Variants in EBF4 observed in about 807,000 individuals in gnomAD.
EBF4 encodes the protein EBF transcription factor 4.
A neutral mutation model predicts 67.1 loss-of-function variants in EBF4; 34 were observed. The observed-to-expected ratio is 0.51, with a 90% CI of 0.39 to 0.67. The LOEUF is 0.67. EBF4 is among the 30% of genes least tolerant of loss of function. The pLI is 0.00. For synonymous variants in EBF4, 387 were observed against 377.7 expected (o/e 1.02, Z -0.29); for missense variants, 837 against 873.3 (o/e 0.96, Z 0.52).
chr20:2,741,849 T>C (rs996753198), intron 6 of EBF4, among the ~76,000 whole-genome samples: 2 of 152,224 alleles, frequency 1.3e-5, no homozygotes, highest in Non-Finnish European at 2.9e-5. Flanking sequence ...ATGAAGCCCA[T>C]ATAGCCCCAA....
At chr20:2,701,008 G>A (rs2087366963) in intron 1 of EBF4, among the ~76,000 whole-genome samples, 1 of 152,362 alleles carries the variant, frequency 6.6e-6, no homozygotes, top group Non-Finnish European at 1.5e-5. Context: ...CAGGCAAGGG[G>A]CAGCCCCATG....
intron 1 of EBF4, among the ~76,000 whole-genome samples, chr20:2,699,542 C>G (rs1215483190): frequency 3.9e-5 from 6 of 152,214 alleles, no homozygotes. Context: ...AAATGTCCCA[C>G]TGCCTCAGGA....
intron 6 of EBF4, among the ~76,000 whole-genome samples, chr20:2,718,947 T>C (rs1466217530): frequency 6.6e-6 from 1 of 152,208 alleles, no homozygotes; most frequent in African/African-American, 2.4e-5. Flanking sequence ...TTTCGGAGCA[T>C]ACCCAAAATT....
At chr20:2,705,998 A>G (rs1297304837) in exon 3 of EBF4, 1 of 1,551,504 alleles carries the variant, frequency 6.4e-7, no homozygotes, top group Non-Finnish European at 8.7e-7. Flanking sequence ...AAAGACTAAC[A>G]ATGGGATCCA....
intron 6 of EBF4, among the ~76,000 whole-genome samples, chr20:2,712,477 G>C (rs1318755963): frequency 1.3e-5 from 2 of 152,182 alleles, no homozygotes; most frequent in African/African-American, 4.8e-5. Flanking sequence ...GGAGTTTCCT[G>C]AGAAGGGTGT....
intron 6 of EBF4, among the ~76,000 whole-genome samples, chr20:2,725,812 T>C (rs1339357644): frequency 6.6e-6 from 1 of 152,256 alleles, no homozygotes. Context: ...GTGTTTATAT[T>C]GGCATTTGCC....
chr20:2,726,320 G>A (rs1332768108), intron 6 of EBF4, among the ~76,000 whole-genome samples: 1 of 152,202 alleles, frequency 6.6e-6, no homozygotes, highest in Non-Finnish European at 1.5e-5. Flanking sequence ...GAGGTGAGGT[G>A]TAGTACCAGC....
intron 2 of EBF4, 27 bp downstream of exon 2, chr20:2,705,760 A>C: frequency 6.7e-7 from 1 of 1,487,380 alleles, no homozygotes; most frequent in Middle Eastern, 1.8e-4. Context: ...CTTGGCTGGG[A>C]CTGGCCCCGG....
Position 2,755,533 on chromosome 20 carries a change from G to T in EBF4, c.1541-94G>T, listed in dbSNP as rs2088227923. ...TACCTGTGTCAGCAGCCCATGTGGGGCCCCAGCCAAGCTGCTCACTCTGGT... is the reference window on the plus strand; with the variant it reads ...TACCTGTGTCAGCAGCCCATGTGGGTCCCCAGCCAAGCTGCTCACTCTGGT... On this transcript the variant is annotated intron_variant, in intron 14 of 16. Coordinates refer to ENST00000609451, the Ensembl canonical transcript of EBF4. The surrounding 1 kb of genome is among the most constrained non-coding windows in gnomAD (Gnocchi z 4.7). The T allele has an allele frequency of 1.4e-6, 1 of 696,654 alleles. No homozygotes were observed. Among genetic ancestry groups the T allele is most frequent in the South Asian group, 1.7e-5 (1 of 58,924 alleles). 43.2% of individuals were successfully genotyped at this position (696,654 alleles called of 1,614,324 possible).
chr20:2,733,426 T>C (rs985842621), intron 6 of EBF4, among the ~76,000 whole-genome samples: 13 of 152,208 alleles, frequency 8.5e-5, no homozygotes, highest in African/African-American at 2.9e-4. Context: ...TTTACTGAGC[T>C]TCTTAAGATG....
intron 1 of EBF4, among the ~76,000 whole-genome samples, chr20:2,698,496 T>C (rs550758443): frequency 6.6e-6 from 1 of 152,192 alleles, no homozygotes; most frequent in African/African-American, 2.4e-5. Flanking sequence ...AGCTTGATCA[T>C]CATCAGCAGT....
At chr20:2,744,443 A>T (rs979654897) in intron 6 of EBF4, among the ~76,000 whole-genome samples, 2 of 149,708 alleles carry the variant, frequency 1.3e-5, no homozygotes, top group Non-Finnish European at 3.0e-5. Context: ...AGCAAGCCAC[A>T]TATGTATGTA....
intron 6 of EBF4, among the ~76,000 whole-genome samples, chr20:2,733,223 A>G (rs115333523): frequency 0.013 from 2,007 of 152,332 alleles, 47 homozygotes; most frequent in African/African-American, 0.045. Flanking sequence ...ACAATATATC[A>G]TCTCACTGCC....
chr20:2,739,561 G>A lies in EBF4; in HGVS notation c.558-8988G>A, dbSNP rs2087939265. Reference sequence around the variant, plus strand: ...CCTTAAGATTTTATACAATGCCGCAGTGCCTAACACATAGAAGGTATTTAA... The same window carrying A: ...CCTTAAGATTTTATACAATGCCGCAATGCCTAACACATAGAAGGTATTTAA... On this transcript the variant is annotated intron_variant, in intron 6 of 16. Coordinates refer to ENST00000609451, the Ensembl canonical transcript of EBF4. This position sits in a 1 kb window ranked among gnomAD's most constrained non-coding sequence, Gnocchi z 4.5. Among the ~76,000 whole-genome samples the A allele has an allele frequency of 6.6e-6, 1 of 152,142 alleles. No homozygotes were observed. The highest frequency in any genetic ancestry group is 2.1e-4 in the South Asian group (1 of 4,822).
At chr20:2,737,255 A>AC (rs2087901006) in intron 6 of EBF4, among the ~76,000 whole-genome samples, 1 of 147,620 alleles carries the variant, frequency 6.8e-6, no homozygotes, top group Admixed American at 6.7e-5. Context: ...CGTCTCAAAA[A>AC]AAAAAAAAAA....
intron 6 of EBF4, among the ~76,000 whole-genome samples, chr20:2,731,462 A>G (rs2087812460): frequency 6.6e-6 from 1 of 152,188 alleles, no homozygotes; most frequent in Non-Finnish European, 1.5e-5. Context: ...TTACTTATAA[A>G]GACATAACCT....
At position 2,696,569 on chromosome 20, in the gene EBF4, A is replaced by C. The variant is rs1287758116; in HGVS notation, c.137+2787A>C. ...TGGATATCTCCAACATTCAAGGCCT[A>C]TCATGGTCTGACTCCAGCCTTCCTC... On this transcript the variant is annotated intron_variant, in intron 1 of 16. Transcript: ENST00000609451. The surrounding 1 kb of genome is among the most constrained non-coding windows in gnomAD (Gnocchi z 4.7). Among the ~76,000 whole-genome samples the C allele has an allele frequency of 1.3e-5, 2 of 152,208 alleles. No individual in the cohort carries two copies. Among genetic ancestry groups the C allele is most frequent in the African/African-American group, 4.8e-5 (2 of 41,446 alleles).
chr20:2,743,481 G>C (rs754214064), intron 6 of EBF4, among the ~76,000 whole-genome samples: 1 of 152,212 alleles, frequency 6.6e-6, no homozygotes, highest in Non-Finnish European at 1.5e-5. Flanking sequence ...CATACAAATT[G>C]CTACTGAGCA....
rs532917030 is a variant in EBF4 at position 2,739,229 on chromosome 20, G to A, written c.558-9320G>A. Among the ~76,000 whole-genome samples, 16 of 152,172 alleles carry A rather than the reference G, an allele frequency of 1.1e-4. No homozygotes were observed. In the East Asian group the frequency reaches 1.2e-3, roughly 11 times the overall value. ...CCATCACCCAGAGGATCCAAGTCCC[G>A]CATGATTTGGTCCCAACCCCAGGCC... On this transcript the variant is annotated intron_variant, in intron 6 of 16. Transcript: ENST00000609451. The surrounding 1 kb of genome is among the most constrained non-coding windows in gnomAD (Gnocchi z 4.5).
Sources: allele counts gnomAD v4.1 joint callset (sites outside exome capture counted in the v4.1 genomes callset), GRCh38; gene constraint gnomAD v4.1.1; non-coding constraint Gnocchi (gnomAD v3.1); transcripts MANE v1.5; gene names NCBI Gene and HGNC (gene_info 2026-07-23, HGNC 2026-07-21).